The following OR2B11 variants were observed in gnomAD, a reference collection of about 807,000 sequenced individuals.
The protein encoded by OR2B11 is olfactory receptor 2B11.
For synonymous variants in OR2B11, 198 were observed against 174.5 expected (o/e 1.13, Z -1.06); for missense variants, 422 against 400.0 (o/e 1.05, Z -0.47).
intron 1 of OR2B11, among the ~76,000 whole-genome samples, chr1:247,457,417 C>G (rs555737948): frequency 3.3e-5 from 5 of 152,270 alleles, no homozygotes; most frequent in Admixed American, 2.6e-4. Context: ...TACCTCCAGG[C>G]AGAGCATCCT....
Position 247,455,067 on chromosome 1 carries a change from G to A in OR2B11, c.-3082-3C>T, listed in dbSNP as rs1664938318. ...CACCCTTAGATATATATCATTCCCT[G>A]TAGGATATATAATCCTTATGATTAA... On this transcript the variant is annotated splice_polypyrimidine_tract_variant and splice_region_variant and intron_variant, in intron 1 of 1. Transcript: ENST00000641149. 2 of 152,110 alleles carry A rather than the reference G, an allele frequency of 1.3e-5. No homozygotes were observed. Among genetic ancestry groups the A allele is most frequent in the Admixed American group, 1.3e-4 (2 of 15,276 alleles). The allele number at this position is 152,110 out of a possible 1,614,324, so 9.4% of individuals were successfully genotyped here. A position where few individuals can be genotyped will look rare whatever the true frequency, so the allele number is the denominator to read the frequency against.
Position 247,451,081 on chromosome 1 carries a change from A to T in OR2B11, c.902T>A (p.Met301Lys). 1 of 1,511,588 alleles carries T rather than the reference A, an allele frequency of 6.6e-7. No homozygotes were observed. Among genetic ancestry groups the T allele is most frequent in the Non-Finnish European group, 8.8e-7 (1 of 1,130,396 alleles). 93.6% of individuals were successfully genotyped at this position (1,511,588 alleles called of 1,614,324 possible). A position where few individuals can be genotyped will look rare whatever the true frequency, so the allele number is the denominator to read the frequency against. The change falls in exon 2 of 2, where the codon ATG (methionine) becomes AAG (lysine). Residue 301 changes from methionine (M) to lysine (K), a missense_variant. By Grantham distance (95) the Met-to-Lys change is moderately conservative. Transcript: ENST00000641149. ...CAGAAGTCTCCTCAGAGCCCCCTTCATATCTTTATTTCTCAGGGTGTAGGT... is the reference window on the plus strand; with the variant it reads ...CAGAAGTCTCCTCAGAGCCCCCTTCTTATCTTTATTTCTCAGGGTGTAGGT... Reference protein sequence around the residue: ...PFTYTLRNKDMKGALRRLLAR... With the variant: ...PFTYTLRNKDKKGALRRLLAR...
intron 1 of OR2B11, among the ~76,000 whole-genome samples, chr1:247,455,314 T>C (rs1463597281): frequency 6.6e-6 from 1 of 152,192 alleles, no homozygotes; most frequent in Non-Finnish European, 1.5e-5. Flanking sequence ...AGGGTCTCTT[T>C]CTTCAGTCTA....
At chr1:247,457,164 C>T (rs1377694150) in intron 1 of OR2B11, among the ~76,000 whole-genome samples, 1 of 151,690 alleles carries the variant, frequency 6.6e-6, no homozygotes, top group African/African-American at 2.4e-5. Context: ...CACACGTCAT[C>T]GCCTTTTTAT....
At position 247,453,119 on chromosome 1, in the gene OR2B11, A is replaced by T. The variant is rs1664884125; in HGVS notation, c.-1137T>A. 1 of 152,230 alleles carries T rather than the reference A, an allele frequency of 6.6e-6. No individual in the cohort carries two copies. Among genetic ancestry groups the T allele is most frequent in the African/African-American group, 2.4e-5 (1 of 41,458 alleles). 9.4% of individuals were successfully genotyped at this position (152,230 alleles called of 1,614,324 possible). A position where few individuals can be genotyped will look rare whatever the true frequency, so the allele number is the denominator to read the frequency against. ...GGATTGAAAAATATTATTAATAAACAATAATTAATTAATCATTATTCATAA... is the reference window on the plus strand; with the variant it reads ...GGATTGAAAAATATTATTAATAAACTATAATTAATTAATCATTATTCATAA... On this transcript the variant is annotated 5_prime_UTR_variant, in exon 2 of 2. Coordinates refer to ENST00000641149, the MANE Select transcript of OR2B11 (RefSeq NM_001004492.2).
chr1:247,455,594 A>G (rs1360369443), intron 1 of OR2B11, among the ~76,000 whole-genome samples: 2 of 152,176 alleles, frequency 1.3e-5, no homozygotes, highest in Non-Finnish European at 2.9e-5. Context: ...AACAAGTACA[A>G]TCGAGACGTT....
intron 1 of OR2B11, among the ~76,000 whole-genome samples, chr1:247,456,357 G>T (rs544865470): frequency 6.1e-4 from 93 of 152,228 alleles, no homozygotes; most frequent in Admixed American, 1.8e-3. Context: ...CTATTGCCCA[G>T]ACTAGTCTCG....
chr1:247,457,333 G>C (rs190638937), intron 1 of OR2B11, among the ~76,000 whole-genome samples: 1 of 152,050 alleles, frequency 6.6e-6, no homozygotes, highest in South Asian at 2.1e-4. Flanking sequence ...AGGAGGAAGC[G>C]GAGGAAAGGG....
At position 247,452,001 on chromosome 1, in the gene OR2B11, A is replaced by C. The variant is rs1664860492; in HGVS notation, c.-19T>G. 1 of 1,516,328 alleles carries C rather than the reference A, an allele frequency of 6.6e-7. No homozygotes were observed. The highest frequency in any genetic ancestry group is 9.1e-7 in the Non-Finnish European group (1 of 1,093,690). 93.9% of individuals were successfully genotyped at this position (1,516,328 alleles called of 1,614,324 possible). ...TTTTCATGTTGCGGCATTTTCTGGC[A>C]CTTGTGGCAAATTGAGAAAATTGGA... On this transcript the variant is annotated 5_prime_UTR_variant, in exon 2 of 2. Coordinates refer to ENST00000641149, the MANE Select transcript of OR2B11 (RefSeq NM_001004492.2).
chr1:247,449,509 A>G lies in OR2B11; in HGVS notation c.*1520T>C, dbSNP rs1226559535. ...CTTAAACCGCATGGAATTGCTCAGG[A>G]TGGAAATACTATTTCCTCTGTACAA... On this transcript the variant is annotated 3_prime_UTR_variant, in exon 2 of 2. Coordinates refer to ENST00000641149, the MANE Select transcript of OR2B11 (RefSeq NM_001004492.2). 2 of 152,216 alleles carry G rather than the reference A, an allele frequency of 1.3e-5. No individual in the cohort carries two copies. Among genetic ancestry groups the G allele is most frequent in the Non-Finnish European group, 2.9e-5 (2 of 68,044 alleles). The allele number at this position is 152,216 out of a possible 1,614,324, so 9.4% of individuals were successfully genotyped here. A position where few individuals can be genotyped will look rare whatever the true frequency, so the allele number is the denominator to read the frequency against.
rs1664827521 is a variant in OR2B11, at chr1:247,450,911, G to GA, written c.*117dup. 1 of 542,216 alleles carries GA rather than the reference G, an allele frequency of 1.8e-6. No individual in the cohort carries two copies. The highest frequency in any genetic ancestry group is 5.3e-5 in the South Asian group (1 of 18,760). 33.6% of individuals were successfully genotyped at this position (542,216 alleles called of 1,614,324 possible). On this transcript the variant is annotated 3_prime_UTR_variant, in exon 2 of 2. Coordinates refer to ENST00000641149, the MANE Select transcript of OR2B11 (RefSeq NM_001004492.2). The stretch of plus-strand genomic sequence containing the variant: ...CATTATAACAGGAAGTGAGATGTTT[G>GA]AAGACAGGGTTTTTGAGCTCTCTGG...
Position 247,451,421 on chromosome 1 carries a change from C to A in OR2B11, c.562G>T (p.Val188Leu). Residue 188 changes from valine to leucine, a missense_variant, in exon 2 of 2, where the codon GTG (valine) becomes TTG (leucine). Transcript: ENST00000641149. ...GTGTCAGCACACGACAGCTTGATCA[C>A]GGCCGGCACCTCACAGAAAAAGTTG... Reference protein sequence around the residue: ...LNNFFCEVPAVIKLSCADTAV... With the variant: ...LNNFFCEVPALIKLSCADTAV... 6.2e-7 allele frequency: 1 copy of A among 1,614,126 alleles called. No homozygotes were observed. The highest frequency in any genetic ancestry group is 8.5e-7 in the Non-Finnish European group (1 of 1,179,980).
In OR2B11 at chr1:247,455,059, C is replaced by A. The variant is rs1021592622; in HGVS notation, c.-3077G>T. The A allele has an allele frequency of 3.3e-5, 5 of 152,170 alleles. No homozygotes were observed. The highest frequency in any genetic ancestry group is 1.2e-4 in the African/African-American group (5 of 41,424). 9.4% of individuals were successfully genotyped at this position (152,170 alleles called of 1,614,324 possible). A position where few individuals can be genotyped will look rare whatever the true frequency, so the allele number is the denominator to read the frequency against. ...CTGTGATACACCCTTAGATATATAT[C>A]ATTCCCTGTAGGATATATAATCCTT... On this transcript the variant is annotated 5_prime_UTR_variant, in exon 2 of 2. The change abolishes an upstream ATG in the 5' untranslated region. Transcript: ENST00000641149.
Position 247,451,953 on chromosome 1 carries a change from C to T in OR2B11, c.30G>A (p.Gly10=). 1 of 1,584,708 alleles carries T rather than the reference C, an allele frequency of 6.3e-7. No individual in the cohort carries two copies. The highest frequency in any genetic ancestry group is 2.3e-5 in the East Asian group (1 of 43,488). MKSDNHSFL[G]DSPKAFILLG... ...GAAGGATGAAGGCTTTAGGGGAGTC[C>T]CCTAAGAAGCTATGGTTGTCACTTT... The change falls in exon 2 of 2, where the codon GGG becomes GGA. Residue 10 remains glycine, a synonymous_variant. Coordinates refer to ENST00000641149, the MANE Select transcript of OR2B11 (RefSeq NM_001004492.2).
Position 247,452,994 on chromosome 1 carries a change from C to T in OR2B11, c.-1012G>A, listed in dbSNP as rs1381316672. On this transcript the variant is annotated 5_prime_UTR_variant, in exon 2 of 2. Transcript: ENST00000641149. ...GCAACTGGGTTGCCACCTGCTGATT[C>T]GTGGGTCCTTTCGACTGCACCATTG... The T allele has an allele frequency of 6.6e-6, 1 of 152,204 alleles. No individual in the cohort carries two copies. 9.4% of individuals were successfully genotyped at this position (152,204 alleles called of 1,614,324 possible). A position where few individuals can be genotyped will look rare whatever the true frequency, so the allele number is the denominator to read the frequency against.
rs896618974 is a variant in OR2B11, at chr1:247,452,111, T to C, written c.-129A>G. 1.7e-5 allele frequency: 11 copies of C among 646,518 alleles called. No homozygotes were observed. Among genetic ancestry groups the C allele is most frequent in the Non-Finnish European group, 2.7e-5 (10 of 371,038 alleles). The allele number at this position is 646,518 out of a possible 1,614,324, so 40.0% of individuals were successfully genotyped here. A position where few individuals can be genotyped will look rare whatever the true frequency, so the allele number is the denominator to read the frequency against. On this transcript the variant is annotated 5_prime_UTR_variant, in exon 2 of 2. Transcript: ENST00000641149. ...TTTCCCAGGTGATAGCCTGTTTGAT[T>C]CTCCTTACCTCTGTGGAGACGCTGG... is the stretch of plus-strand genomic sequence containing the variant.
chr1:247,456,973 T>C (rs539147636), intron 1 of OR2B11, among the ~76,000 whole-genome samples: 1 of 152,170 alleles, frequency 6.6e-6, no homozygotes, highest in South Asian at 2.1e-4. Context: ...ATTCTGGAGG[T>C]AGGTAGAGTC....
Position 247,451,874 on chromosome 1 carries a change from G to C in OR2B11, c.109C>G (p.Leu37Val), listed in dbSNP as rs1389393996. 6.2e-7 allele frequency: 1 copy of C among 1,613,946 alleles called. No homozygotes were observed. The highest frequency in any genetic ancestry group is 8.5e-7 in the Non-Finnish European group (1 of 1,180,016). ...LELPLFVVLL[L>V]SYVLAMLGNV... The stretch of plus-strand genomic sequence containing the variant: ...CCCAACATGGCCAGCACATAGGACA[G>C]CAGGAGGACCACAAAGAGAGGGAGT... Residue 37 changes from leucine (L) to valine (V), a missense_variant, in exon 2 of 2, where the codon CTG becomes GTG. Transcript: ENST00000641149.
intron 1 of OR2B11, among the ~76,000 whole-genome samples, chr1:247,455,545 G>T (rs535263606): frequency 6.6e-6 from 1 of 152,280 alleles, no homozygotes; most frequent in South Asian, 2.1e-4. Context: ...GTTTGCATTT[G>T]CAGTCCTGGT....
Sources: allele counts gnomAD v4.1 joint callset (sites outside exome capture counted in the v4.1 genomes callset), GRCh38; gene constraint gnomAD v4.1.1; transcripts MANE v1.5; gene names NCBI Gene and HGNC (gene_info 2026-07-23, HGNC 2026-07-21).